The following SLC25A53 variants were observed in gnomAD, a reference collection of about 807,000 sequenced individuals.
The protein encoded by SLC25A53 is solute carrier family 25 member 53.
In SLC25A53, 5 loss-of-function variants were observed where a neutral mutation model predicts 15.0. The observed-to-expected ratio is 0.33, with a 90% CI of 0.17 to 0.70. The LOEUF (loss-of-function observed/expected upper bound fraction) is 0.70, where lower values mean the gene tolerates loss of function less well. Ranked by LOEUF, SLC25A53 falls within the 30% of genes least tolerant of loss-of-function variation. The probability of loss-of-function intolerance (pLI) is 0.67; values close to 1 mark genes in which losing one functional copy is unlikely to be tolerated. For synonymous variants in SLC25A53, 95 were observed against 100.0 expected (o/e 0.95, Z 0.30); for missense variants, 216 against 241.6 (o/e 0.89, Z 0.70).
chrX:104,116,135 T>C (rs781791661), intron 1 of SLC25A53, among the ~76,000 whole-genome samples: 2 of 109,352 alleles, frequency 1.8e-5, no homozygotes, highest in Non-Finnish European at 3.8e-5. Context: ...GGGACAAAAA[T>C]TGAAAATGGG....
intron 1 of SLC25A53, among the ~76,000 whole-genome samples, chrX:104,124,443 G>T (rs2075404173): frequency 9.0e-6 from 1 of 111,425 alleles, no homozygotes; most frequent in Non-Finnish European, 1.9e-5. Context: ...ATGTTTTACT[G>T]GTTAGCCTTT....
At chrX:104,150,259 G>A (rs2075481050) in intron 1 of SLC25A53, among the ~76,000 whole-genome samples, 1 of 108,103 alleles carries the variant, frequency 9.3e-6, no homozygotes, top group Non-Finnish European at 1.9e-5. Flanking sequence ...AAAAAAAGAA[G>A]GTAACCAAAT....
At chrX:104,149,850 C>G (rs2075479755) in intron 1 of SLC25A53, among the ~76,000 whole-genome samples, 1 of 111,332 alleles carries the variant, frequency 9.0e-6, no homozygotes, top group South Asian at 3.7e-4. Flanking sequence ...ATGTACTTCT[C>G]CTGCTTAAGT....
chrX:104,144,582 G>A (rs143658025), intron 1 of SLC25A53, among the ~76,000 whole-genome samples: 2,179 of 111,421 alleles, frequency 0.02, 63 homozygotes, highest in African/African-American at 0.069. Context: ...GTTCCTATTC[G>A]GCCATCTTGC....
intron 1 of SLC25A53, chrX:104,114,740 T>G (rs782068562): frequency 4.1e-6 from 5 of 1,210,162 alleles, no homozygotes; most frequent in Non-Finnish European, 5.6e-6. Context: ...CCCAATTTCC[T>G]GGAGTTAATC....
At chrX:104,155,225 C>G (rs2075496946) in intron 1 of SLC25A53, among the ~76,000 whole-genome samples, 2 of 108,456 alleles carry the variant, frequency 1.8e-5, no homozygotes, top group African/African-American at 6.8e-5. Context: ...GTGGCGCAAT[C>G]TTGGCTCACT....
chrX:104,155,126 T>C (rs1556371148), intron 1 of SLC25A53, among the ~76,000 whole-genome samples: 1 of 110,832 alleles, frequency 9.0e-6, no homozygotes, highest in Non-Finnish European at 1.9e-5. Context: ...ATGCCTGACG[T>C]TTAGGAGTGT....
intron 1 of SLC25A53, chrX:104,114,356 A>G: frequency 8.3e-7 from 1 of 1,211,222 alleles, no homozygotes; most frequent in Non-Finnish European, 1.1e-6. Flanking sequence ...GAGGAGGAAA[A>G]ACTCAAGCGC....
chrX:104,128,749 CACAT>C (rs1449837482), intron 1 of SLC25A53, among the ~76,000 whole-genome samples: 2 of 110,085 alleles, frequency 1.8e-5, no homozygotes, highest in South Asian at 3.7e-4. Flanking sequence ...AACACACACA[CACAT>C]AAACAGACAC....
chrX:104,105,653 A>C (rs1440906415), intron 1 of SLC25A53, among the ~76,000 whole-genome samples: 1 of 112,565 alleles, frequency 8.9e-6, no homozygotes, highest in African/African-American at 3.2e-5. Context: ...TACTTGAATA[A>C]TACATTGCTA....
intron 1 of SLC25A53, among the ~76,000 whole-genome samples, chrX:104,110,788 T>A (rs2075337273): frequency 8.9e-6 from 1 of 111,936 alleles, no homozygotes; most frequent in Non-Finnish European, 1.9e-5. Flanking sequence ...CCTGAAGAGC[T>A]CACAGAAGGG....
intron 1 of SLC25A53, among the ~76,000 whole-genome samples, chrX:104,142,674 G>A (rs781914284): frequency 9.1e-6 from 1 of 110,176 alleles, no homozygotes; most frequent in South Asian, 4.0e-4. Context: ...CAACAAGACC[G>A]AGGCAGAGGG....
chrX:104,156,845 C>T (rs1461109140), intron 1 of SLC25A53, 33 bp downstream of exon 1: 1 of 111,925 alleles, frequency 8.9e-6, no homozygotes, highest in Non-Finnish European at 1.9e-5. Context: ...CAGGATGTGT[C>T]TACGCCCTCA....
At chrX:104,154,484 T>C (rs1162401634) in intron 1 of SLC25A53, among the ~76,000 whole-genome samples, 1 of 112,555 alleles carries the variant, frequency 8.9e-6, no homozygotes, top group African/African-American at 3.2e-5. Flanking sequence ...CTTCTGGGTA[T>C]ATATCCAAAG....
At chrX:104,111,272 T>C (rs1456897534) in intron 1 of SLC25A53, among the ~76,000 whole-genome samples, 2 of 111,965 alleles carry the variant, frequency 1.8e-5, no homozygotes, top group African/African-American at 6.5e-5. Flanking sequence ...TCTACATTTA[T>C]AACAAGCTCT....
intron 1 of SLC25A53, among the ~76,000 whole-genome samples, chrX:104,126,853 C>G (rs782818029): frequency 1.5e-4 from 17 of 111,700 alleles, no homozygotes; most frequent in Non-Finnish European, 2.4e-4. Context: ...AACAGTAATA[C>G]CAAATGTTCA....
intron 1 of SLC25A53, among the ~76,000 whole-genome samples, chrX:104,155,833 C>T (rs1416219175): frequency 9.0e-6 from 1 of 110,538 alleles, no homozygotes; most frequent in Non-Finnish European, 1.9e-5. Flanking sequence ...CACTTGAGGT[C>T]AGGAGTTCGA....
chrX:104,145,780 A>G (rs1269392454), intron 1 of SLC25A53, among the ~76,000 whole-genome samples: 1 of 112,202 alleles, frequency 8.9e-6, no homozygotes, highest in African/African-American at 3.2e-5. Flanking sequence ...ATCTCTGAAT[A>G]GACCAATAAC....
At position 104,147,824 on chromosome X, in the gene SLC25A53, G is replaced by C. The variant is rs2075472820; in HGVS notation, c.-32+9054C>G. Among the ~76,000 whole-genome samples the C allele has an allele frequency of 4.6e-5, 5 of 109,578 alleles. No homozygotes were observed. The South Asian group carries it at 1.2e-3, about 26-fold the overall frequency. On this transcript the variant is annotated intron_variant, in intron 1 of 1. Transcript: ENST00000594199. ...CAACAGGTGCTGGAGAGGATGTGGA[G>C]AAATAGGAACACTTTTACACTGTTG...
Sources: gnomAD v4.1 joint callset for allele counts (sites outside exome capture counted in the v4.1 genomes callset) on GRCh38, gnomAD v4.1.1 for gene constraint, MANE v1.5 for transcripts, NCBI Gene and HGNC (gene_info 2026-07-23, HGNC 2026-07-21) for gene names.